TEC: variants seen among roughly 807,000 people sequenced by gnomAD.
TEC encodes the protein tyrosine-protein kinase Tec.
A neutral mutation model predicts 93.0 loss-of-function variants in TEC; 72 were observed. The ratio of observed to expected loss-of-function variants is 0.77; its 90% CI spans 0.64 to 0.94. The LOEUF is 0.94. TEC is among the 40% of genes least tolerant of loss of function. TEC has a pLI of 0.00. For missense variants in TEC, 630 were observed against 757.9 expected, an observed-to-expected ratio of 0.83 and a Z score of 1.98; for synonymous variants, 249 against 247.7, an observed-to-expected ratio of 1.01 and a Z score of -0.05.
intron 2 of TEC, among the ~76,000 whole-genome samples, chr4:48,177,776 G>A (rs754350313): frequency 2.0e-5 from 3 of 152,132 alleles, no homozygotes; most frequent in African/African-American, 4.8e-5. Context: ...GATCATGGCC[G>A]CAGTTTCCCA....
intron 17 of TEC, 80 bp downstream of exon 17, chr4:48,138,585 G>T: frequency 1.4e-6 from 2 of 1,474,526 alleles, no homozygotes; most frequent in South Asian, 2.7e-5. Flanking sequence ...ACCTCACTAG[G>T]CTATAAAGAC....
rs537143473 is a variant in TEC at position 48,220,089 on chromosome 4, C to T, written c.138+8388G>A. ...CATACATTTATGTCATGGTTCACAA[C>T]ATACATAAATCCTAAATTTATCCTA... On this transcript the variant is annotated intron_variant, in intron 2 of 17. Transcript: ENST00000381501. 7.6e-4 allele frequency among the ~76,000 whole-genome samples: 115 copies of T among 151,682 alleles called. 3 individuals are homozygous for T. The South Asian group carries it at 0.021, about 28-fold the overall frequency.
chr4:48,228,535 T>C lies in TEC; in HGVS notation c.80A>G (p.Lys27Arg), dbSNP rs748798649. 1.9e-6 allele frequency: 3 copies of C among 1,613,730 alleles called. No homozygotes were observed. The highest frequency in any genetic ancestry group is 3.3e-5 in the Admixed American group (2 of 59,992). ...CTTTGTAAGTACAAAAAGTCTCTCT[T>C]TGTAGTTTAAGGGCGATGTCTTCTT... ...QKKKTSPLNY[K>R]ERLFVLTKSM... is the part of the protein sequence containing the mutation. Residue 27 changes from lysine to arginine, a missense_variant, in exon 2 of 18, where the codon AAA becomes AGA. Transcript: ENST00000381501.
chr4:48,203,931 G>A (rs574356410), intron 2 of TEC, among the ~76,000 whole-genome samples: 5 of 152,288 alleles, frequency 3.3e-5, no homozygotes, highest in African/African-American at 9.6e-5. Flanking sequence ...ACAACGCAAG[G>A]AGCCATTATT....
At position 48,227,641 on chromosome 4, in the gene TEC, C is replaced by CAA. The variant is rs34047322; in HGVS notation, c.138+834_138+835dup. Among the ~76,000 whole-genome samples, 233 of 84,088 alleles carry CAA rather than the reference C, an allele frequency of 2.8e-3. 1 individual carries two copies. The highest frequency in any genetic ancestry group is 4.8e-3 in the Admixed American group (35 of 7,262). The allele number at this position is 84,088 out of a possible 152,430, so 55.2% of individuals were successfully genotyped here. On this transcript the variant is annotated intron_variant, in intron 2 of 17. Coordinates refer to ENST00000381501, the MANE Select transcript of TEC (RefSeq NM_003215.3). ...CTGGCAACAGAGCAAGACACTGTCT[C>CAA]AAAAAAAAAAAAAAAAAAAACTAAA...
At position 48,238,761 on chromosome 4, in the gene TEC, C is replaced by T. The variant is rs1723855021; in HGVS notation, c.-45-10102G>A. Among the ~76,000 whole-genome samples, 2 of 150,756 alleles carry T rather than the reference C, an allele frequency of 1.3e-5. 1 individual carries two copies. The highest frequency in any genetic ancestry group is 4.9e-5 in the African/African-American group (2 of 40,896). On this transcript the variant is annotated intron_variant, in intron 1 of 17. Transcript: ENST00000381501. ...CAGCCTTCTTTGCAGTAAAGTGTGG[C>T]CATCTGACTAAGTTAAGACCAAAAA...
chr4:48,154,499 A>G (rs747414233), intron 9 of TEC, among the ~76,000 whole-genome samples: 2 of 152,230 alleles, frequency 1.3e-5, no homozygotes, highest in Non-Finnish European at 2.9e-5. Context: ...TGTAAGAGAA[A>G]CAATTCTATA....
chr4:48,155,871 AAG>A (rs1720379055), intron 9 of TEC: 1 of 152,198 alleles, frequency 6.6e-6, no homozygotes, highest in African/African-American at 2.4e-5. Flanking sequence ...TACTCTGAAG[AAG>A]AGTCAAGAAA....
At chr4:48,203,191 C>T (rs1365601064) in intron 2 of TEC, among the ~76,000 whole-genome samples, 2 of 152,084 alleles carry the variant, frequency 1.3e-5, no homozygotes. Context: ...CAGTGAAACC[C>T]TGTCTTTACT....
intron 2 of TEC, among the ~76,000 whole-genome samples, chr4:48,203,872 T>C (rs1242591887): frequency 6.6e-6 from 1 of 152,184 alleles, no homozygotes; most frequent in Admixed American, 6.5e-5. Context: ...GCACTCGCTT[T>C]ACAGGCAGCA....
intron 1 of TEC, among the ~76,000 whole-genome samples, chr4:48,251,956 C>T (rs908151658): frequency 1.3e-5 from 2 of 151,992 alleles, no homozygotes; most frequent in African/African-American, 4.8e-5. Flanking sequence ...TTTACAAAGA[C>T]GAAGAAGCAA....
chr4:48,170,890 A>C (rs1310838414), intron 4 of TEC, among the ~76,000 whole-genome samples: 1 of 152,122 alleles, frequency 6.6e-6, no homozygotes, highest in Non-Finnish European at 1.5e-5. Flanking sequence ...GTCCCTACTA[A>C]AAATACAAAA....
intron 17 of TEC, 116 bp downstream of exon 17, chr4:48,138,549 G>A: frequency 1.6e-6 from 2 of 1,236,040 alleles, no homozygotes; most frequent in Non-Finnish European, 2.2e-6. Context: ...CCTACCTAGA[G>A]CTTGAAATCA....
intron 1 of TEC, among the ~76,000 whole-genome samples, chr4:48,235,806 C>T (rs1341821136): frequency 1.3e-5 from 2 of 152,098 alleles, no homozygotes; most frequent in Non-Finnish European, 2.9e-5. Flanking sequence ...TGGCACTGTC[C>T]CAATCACTAA....
Position 48,145,513 on chromosome 4 carries a change from A to G in TEC, c.1148T>C (p.Val383Ala), listed in dbSNP as rs1271268431. 1.9e-6 allele frequency: 3 copies of G among 1,613,802 alleles called. No homozygotes were observed. Among genetic ancestry groups the G allele is most frequent in the South Asian group, 2.2e-5 (2 of 91,062 alleles). The change falls in exon 13 of 18, where the codon GTG becomes GCG. Residue 383 changes from valine (V) to alanine (A), a missense_variant. Transcript: ENST00000381501. ...MRELGSGLFGVVRLGKWRAQY... is the reference protein window; with the variant it reads ...MRELGSGLFGAVRLGKWRAQY... ...GGCTCGCCATTTGCCAAGCCTCACC[A>G]CTCCAAACAGTCCACTTCCCAATTC...
chr4:48,168,471 T>C (rs544865516), intron 6 of TEC, 115 bp downstream of exon 6: 13 of 1,114,562 alleles, frequency 1.2e-5, no homozygotes, highest in South Asian at 4.1e-5. Context: ...TAGGGAAAAA[T>C]TGTGTCACAT....
intron 8 of TEC, among the ~76,000 whole-genome samples, chr4:48,161,345 C>T (rs1720647214): frequency 6.6e-6 from 1 of 152,170 alleles, no homozygotes; most frequent in South Asian, 2.1e-4. Flanking sequence ...GTCACCTTCT[C>T]CCTTTACCAT....
intron 2 of TEC, among the ~76,000 whole-genome samples, chr4:48,213,590 C>T (rs756853001): frequency 1.4e-4 from 22 of 152,292 alleles, no homozygotes; most frequent in Non-Finnish European, 2.1e-4. Context: ...ATTTTCTACA[C>T]GTACCTGACC....
At chr4:48,254,499 C>G (rs1418133786) in intron 1 of TEC, among the ~76,000 whole-genome samples, 2 of 152,134 alleles carry the variant, frequency 1.3e-5, no homozygotes, top group Admixed American at 6.5e-5. Flanking sequence ...TTTGGGAAGG[C>G]AGCCAGCAGA....
Sources: gnomAD v4.1 joint callset for allele counts (sites outside exome capture counted in the v4.1 genomes callset) on GRCh38, gnomAD v4.1.1 for gene constraint, MANE v1.5 for transcripts, NCBI Gene and HGNC (gene_info 2026-07-23, HGNC 2026-07-21) for gene names.